The following KIAA1328 variants were observed in gnomAD, a reference collection of about 807,000 sequenced individuals.
The protein encoded by KIAA1328 is protein hinderin.
KIAA1328 carries 52 observed loss-of-function variants against 68.1 expected under a neutral mutation model. The ratio of observed to expected loss-of-function variants is 0.76; its 90% CI spans 0.61 to 0.96. KIAA1328 has a LOEUF of 0.96. KIAA1328 is among the 40% of genes least tolerant of loss of function. The probability of loss-of-function intolerance (pLI) is 0.00; values close to 1 mark genes in which losing one functional copy is unlikely to be tolerated. For missense variants in KIAA1328, 641 were observed against 677.6 expected, an observed-to-expected ratio of 0.95 and a Z score of 0.60; for synonymous variants, 232 against 239.4, an observed-to-expected ratio of 0.97 and a Z score of 0.28.
chr18:37,190,746 ACCCAAACAAGGGATGT>A (rs2059890130), intron 9 of KIAA1328, among the ~76,000 whole-genome samples: 1 of 152,126 alleles, frequency 6.6e-6, no homozygotes, highest in South Asian at 2.1e-4. Context: ...ATTGATTTTG[ACCCAAACAAGGGATGT>A]GAGGTTTAAT....
rs556969601 is a variant in KIAA1328 at position 37,180,035 on chromosome 18, A to G, written c.1523+6954A>G. 2.0e-5 allele frequency among the ~76,000 whole-genome samples: 3 copies of G among 149,974 alleles called. No homozygotes were observed. The South Asian group carries it at 6.4e-4, about 32-fold the overall frequency. On this transcript the variant is annotated intron_variant, in intron 9 of 9. Coordinates refer to ENST00000280020, the MANE Select transcript of KIAA1328 (RefSeq NM_020776.3). Reference sequence around the variant, plus strand: ...ATCTCAGCTACAGAATTCTGGATTGACAGCTGCCATGGGATTCAAAAGCCA... The same window carrying G: ...ATCTCAGCTACAGAATTCTGGATTGGCAGCTGCCATGGGATTCAAAAGCCA...
chr18:36,995,343 A>C (rs924337525), intron 6 of KIAA1328, among the ~76,000 whole-genome samples: 1 of 152,038 alleles, frequency 6.6e-6, no homozygotes, highest in African/African-American at 2.4e-5. Context: ...ACATTTTCTT[A>C]ATCCAGTCTA....
chr18:37,081,979 C>T (rs902792389), intron 7 of KIAA1328, among the ~76,000 whole-genome samples: 1 of 152,074 alleles, frequency 6.6e-6, no homozygotes, highest in Non-Finnish European at 1.5e-5. Context: ...AATTTAGTTT[C>T]ATTCTCCTTG....
chr18:37,195,785 G>A (rs187560110), intron 9 of KIAA1328, among the ~76,000 whole-genome samples: 18 of 152,270 alleles, frequency 1.2e-4, no homozygotes, highest in Admixed American at 1.1e-3. Context: ...AGCTATTTGG[G>A]ATCTTCTGTG....
chr18:36,990,051 G>A (rs1209211206), intron 6 of KIAA1328, among the ~76,000 whole-genome samples: 1 of 152,004 alleles, frequency 6.6e-6, no homozygotes, highest in African/African-American at 2.4e-5. Context: ...ATACATCCTG[G>A]TCTTCGGAAG....
intron 7 of KIAA1328, among the ~76,000 whole-genome samples, chr18:37,089,519 T>A (rs1050787658): frequency 6.6e-6 from 1 of 151,682 alleles, no homozygotes; most frequent in Non-Finnish European, 1.5e-5. Flanking sequence ...GGACTACAGG[T>A]GCACGCCGCC....
chr18:37,098,326 G>A (rs1251264225), intron 7 of KIAA1328, among the ~76,000 whole-genome samples: 1 of 152,216 alleles, frequency 6.6e-6, no homozygotes, highest in African/African-American at 2.4e-5. Context: ...CATCTTTTGA[G>A]ATAATCATGT....
intron 8 of KIAA1328, among the ~76,000 whole-genome samples, chr18:37,164,803 G>A (rs1373753197): frequency 6.6e-6 from 1 of 151,978 alleles, no homozygotes; most frequent in Non-Finnish European, 1.5e-5. Flanking sequence ...ATATGGACGG[G>A]GAGGGTTCTA....
downstream of KIAA1328, among the ~76,000 whole-genome samples, chr18:37,226,756 T>C (rs1207604060): frequency 6.9e-6 from 1 of 144,954 alleles, no homozygotes; most frequent in Non-Finnish European, 1.5e-5. Flanking sequence ...AATGCTGCCA[T>C]GAAGATCCAT....
chr18:37,214,210 A>G (rs924329951), intron 9 of KIAA1328, among the ~76,000 whole-genome samples: 2 of 152,206 alleles, frequency 1.3e-5, no homozygotes, highest in African/African-American at 4.8e-5. Flanking sequence ...TGTTTTAGTC[A>G]TGAAGTCCTT....
At chr18:37,072,327 A>T (rs2056564837) in intron 7 of KIAA1328, among the ~76,000 whole-genome samples, 1 of 151,736 alleles carries the variant, frequency 6.6e-6, no homozygotes, top group Admixed American at 6.6e-5. Flanking sequence ...GCACTTGACA[A>T]ATGTGGCATT....
chr18:37,000,151 A>G, intron 6 of KIAA1328, among the ~76,000 whole-genome samples: 1 of 152,170 alleles, frequency 6.6e-6, no homozygotes, highest in Non-Finnish European at 1.5e-5. Flanking sequence ...CTGAAAGTAA[A>G]GGGACGAAAA....
intron 5 of KIAA1328, chr18:36,886,530 GTGTC>G (rs2048507947): frequency 6.6e-6 from 1 of 152,166 alleles, no homozygotes; most frequent in African/African-American, 2.4e-5. Flanking sequence ...TTGTGTGTGT[GTGTC>G]TATAGCATTA....
Position 36,881,578 on chromosome 18 carries a change from A to T in KIAA1328, c.333-3979A>T, listed in dbSNP as rs535926029. The stretch of plus-strand genomic sequence containing the variant: ...AGTATGTTTTCATCACACCAAAATG[A>T]AGCCCTATATGCATTAGCACTCACT... On this transcript the variant is annotated intron_variant, in intron 4 of 9. Transcript: ENST00000280020. 4.6e-5 allele frequency among the ~76,000 whole-genome samples: 7 copies of T among 152,334 alleles called. No homozygotes were observed. In the East Asian group the frequency reaches 1.3e-3, roughly 29 times the overall value.
At chr18:37,022,256 T>C (rs2054377555) in intron 6 of KIAA1328, among the ~76,000 whole-genome samples, 1 of 152,094 alleles carries the variant, frequency 6.6e-6, no homozygotes, top group Admixed American at 6.6e-5. Flanking sequence ...TCTGGTTAAA[T>C]TTCTTCATGG....
At chr18:37,044,972 G>A (rs2055408099) in intron 6 of KIAA1328, among the ~76,000 whole-genome samples, 1 of 152,150 alleles carries the variant, frequency 6.6e-6, no homozygotes, top group African/African-American at 2.4e-5. Context: ...TATGATAAGA[G>A]TTGTATCTTG....
chr18:36,919,005 G>T (rs1052353549), intron 5 of KIAA1328, among the ~76,000 whole-genome samples: 2 of 152,064 alleles, frequency 1.3e-5, no homozygotes, highest in Non-Finnish European at 1.5e-5. Context: ...AATATTCTCT[G>T]TGCACTTGAA....
At chr18:36,958,896 C>G (rs2051536109) in intron 5 of KIAA1328, among the ~76,000 whole-genome samples, 1 of 151,660 alleles carries the variant, frequency 6.6e-6, no homozygotes, top group African/African-American at 2.4e-5. Context: ...TGATCATCGC[C>G]TAATCCAAGG....
intron 9 of KIAA1328, among the ~76,000 whole-genome samples, chr18:37,185,708 C>A (rs1227873742): frequency 6.8e-6 from 1 of 146,080 alleles, no homozygotes; most frequent in African/African-American, 2.7e-5. Context: ...TACGTATATA[C>A]CTACTGATAT....
Sources: gnomAD v4.1 joint callset for allele counts (sites outside exome capture counted in the v4.1 genomes callset) on GRCh38, gnomAD v4.1.1 for gene constraint, MANE v1.5 for transcripts, NCBI Gene and HGNC (gene_info 2026-07-23, HGNC 2026-07-21) for gene names.